The following EFCAB6 variants were observed in gnomAD, a reference collection of about 807,000 sequenced individuals.
EFCAB6 encodes the protein EF-hand calcium-binding domain-containing protein 6.
In EFCAB6, 156 loss-of-function variants were observed where a neutral mutation model predicts 169.8. The ratio of observed to expected loss-of-function variants is 0.92; its 90% confidence interval spans 0.81 to 1.05. The LOEUF (loss-of-function observed/expected upper bound fraction) is 1.05. EFCAB6 is among the 50% of genes least tolerant of loss of function. The pLI is 0.00. For synonymous variants in EFCAB6, 698 were observed against 676.4 expected (o/e 1.03, Z -0.50); for missense variants, 1,800 against 1,829.1 (o/e 0.98, Z 0.29).
intron 3 of EFCAB6, among the ~76,000 whole-genome samples, chr22:43,778,993 GA>G (rs2061727091): frequency 6.6e-6 from 1 of 152,006 alleles, no homozygotes. Context: ...TGACCAGGTA[GA>G]AATGATCAGG....
intron 26 of EFCAB6, among the ~76,000 whole-genome samples, chr22:43,573,188 C>T (rs1481797948): frequency 6.6e-6 from 1 of 152,060 alleles, no homozygotes; most frequent in Non-Finnish European, 1.5e-5. Flanking sequence ...GCTGAAGAAA[C>T]AGCAAAAAAA....
chr22:43,730,483 G>A (rs1179461230), intron 8 of EFCAB6, among the ~76,000 whole-genome samples: 1 of 151,636 alleles, frequency 6.6e-6, no homozygotes, highest in Non-Finnish European at 1.5e-5. Flanking sequence ...TATAGAGGCA[G>A]GGTGTATTCC....
intron 21 of EFCAB6, among the ~76,000 whole-genome samples, chr22:43,611,610 A>G (rs1466051844): frequency 1.3e-5 from 2 of 152,110 alleles, no homozygotes; most frequent in Non-Finnish European, 2.9e-5. Context: ...AAGTCTGGGA[A>G]ACATGGCGAA....
At chr22:43,613,569 A>G (rs2053474772) in intron 21 of EFCAB6, among the ~76,000 whole-genome samples, 4 of 152,142 alleles carry the variant, frequency 2.6e-5, no homozygotes. Context: ...ATGAGAACAC[A>G]TGGACACAAA....
Position 43,615,869 on chromosome 22 carries a change from T to C in EFCAB6, c.2519A>G (p.Tyr840Cys). The change falls in exon 21 of 32, where the codon TAT becomes TGT. Residue 840 changes from tyrosine to cysteine, a missense_variant. Physicochemically the swap from Tyr to Cys is radical, Grantham distance 194. Transcript: ENST00000262726. The part of the protein sequence containing the change: ...SELACEQAHQ[Y>C]LVTKAKNRWS... ...TCTGTTTTTTGCTTTGGTAACAAGA[T>C]ACTGATGAGCCTGCTCACAAGCTAG... The C allele has an allele frequency of 1.2e-6, 2 of 1,613,888 alleles. No individual in the cohort carries two copies. Among genetic ancestry groups the C allele is most frequent in the Non-Finnish European group, 1.7e-6 (2 of 1,179,972 alleles).
intron 24 of EFCAB6, among the ~76,000 whole-genome samples, chr22:43,589,542 C>T (rs923769611): frequency 6.6e-6 from 1 of 152,278 alleles, no homozygotes. Flanking sequence ...AATCCCAGCA[C>T]TTTGGGAGAC....
intron 23 of EFCAB6, 68 bp from the exon 24 acceptor site, chr22:43,590,297 C>G (rs1056641297): frequency 1.3e-6 from 2 of 1,541,996 alleles, no homozygotes; most frequent in Admixed American, 1.9e-5. Context: ...AAAGCAAACA[C>G]TGCATGATTA....
chr22:43,562,065 C>G (rs1199785208), intron 26 of EFCAB6, among the ~76,000 whole-genome samples: 1 of 152,122 alleles, frequency 6.6e-6, no homozygotes, highest in African/African-American at 2.4e-5. Context: ...GTTCAACAAG[C>G]AAACAAACAA....
chr22:43,769,453 T>A lies in EFCAB6; in HGVS notation c.351+3439A>T, dbSNP rs375811002. ...TATGAATATATGAAAAACACCAATT[T>A]ATACATGTTTAAAGGGTGAATTTTA... On this transcript the variant is annotated intron_variant, in intron 4 of 31. Coordinates refer to ENST00000262726, the MANE Select transcript of EFCAB6 (RefSeq NM_022785.4). 1.1e-4 allele frequency among the ~76,000 whole-genome samples: 17 copies of A among 152,292 alleles called. No individual in the cohort carries two copies. In the South Asian group the frequency reaches 3.5e-3, roughly 32 times the overall value.
chr22:43,571,999 G>A (rs1323172589), intron 26 of EFCAB6, among the ~76,000 whole-genome samples: 1 of 152,184 alleles, frequency 6.6e-6, no homozygotes, highest in Non-Finnish European at 1.5e-5. Context: ...AATTTAGGGG[G>A]TTGATCCCAT....
chr22:43,667,867 A>G (rs1362597122), intron 16 of EFCAB6, among the ~76,000 whole-genome samples: 1 of 152,112 alleles, frequency 6.6e-6, no homozygotes, highest in Non-Finnish European at 1.5e-5. Context: ...GAGGACAGCT[A>G]TTTCCTCAGC....
chr22:43,735,828 A>T, intron 7 of EFCAB6, 29 bp downstream of exon 7: 2 of 1,609,242 alleles, frequency 1.2e-6, no homozygotes, highest in Non-Finnish European at 8.5e-7. Context: ...TCTACTGAGC[A>T]ATCTCTCACC....
chr22:43,532,321 T>C (rs2047123182), intron 30 of EFCAB6, among the ~76,000 whole-genome samples: 1 of 152,036 alleles, frequency 6.6e-6, no homozygotes, highest in Admixed American at 6.5e-5. Context: ...GTGGCCCCTT[T>C]CACTGGGGAG....
intron 10 of EFCAB6, among the ~76,000 whole-genome samples, chr22:43,692,248 C>T (rs2058437361): frequency 6.6e-6 from 1 of 152,172 alleles, no homozygotes; most frequent in African/African-American, 2.4e-5. Context: ...AACAAGATAA[C>T]TGACTACTAA....
intron 18 of EFCAB6, 55 bp from the exon 19 acceptor site, chr22:43,632,293 TC>T (rs368012052): frequency 9.7e-5 from 139 of 1,429,292 alleles, no homozygotes; most frequent in Admixed American, 3.1e-4. Flanking sequence ...CTTCATTCCT[TC>T]TTTTTTTTTT....
intron 10 of EFCAB6, among the ~76,000 whole-genome samples, chr22:43,691,546 T>C (rs2058413297): frequency 6.6e-6 from 1 of 152,124 alleles, no homozygotes; most frequent in Non-Finnish European, 1.5e-5. Context: ...TGAATAAGAA[T>C]GAATTTTTAA....
At position 43,765,393 on chromosome 22, in the gene EFCAB6, T is replaced by A. The variant is rs1210069717; in HGVS notation, c.352A>T (p.Ile118Phe). The change falls in exon 5 of 32, where the codon ATC (isoleucine) becomes TTC (phenylalanine). Residue 118 changes from isoleucine (I) to phenylalanine (F), a missense_variant and splice_region_variant. Coordinates refer to ENST00000262726, the MANE Select transcript of EFCAB6 (RefSeq NM_022785.4). The stretch of plus-strand genomic sequence containing the variant: ...ACAGTACCAGAGGTGCTAAGGGGGA[T>A]CTACAGTCAAGGGAGAAGAATGACA... ...REQFQDVLAQIPLSTSGTVPY... is the reference protein window; with the variant it reads ...REQFQDVLAQFPLSTSGTVPY... 6.2e-7 allele frequency: 1 copy of A among 1,609,624 alleles called. No individual in the cohort carries two copies. Among genetic ancestry groups the A allele is most frequent in the African/African-American group, 1.3e-5 (1 of 74,652 alleles).
At chr22:43,738,083 C>T (rs2060223856) in intron 6 of EFCAB6, among the ~76,000 whole-genome samples, 1 of 150,600 alleles carries the variant, frequency 6.6e-6, no homozygotes. Context: ...CACACACATA[C>T]ATGCAGATAC....
At chr22:43,748,914 G>A (rs142018497) in intron 6 of EFCAB6, among the ~76,000 whole-genome samples, 227 of 152,238 alleles carry the variant, frequency 1.5e-3, no homozygotes, top group African/African-American at 5.2e-3. Context: ...GAAGTCTGAC[G>A]GGCTCTGGCT....
Sources: allele counts gnomAD v4.1 joint callset (sites outside exome capture counted in the v4.1 genomes callset), GRCh38; gene constraint gnomAD v4.1.1; transcripts MANE v1.5; gene names NCBI Gene and HGNC (gene_info 2026-07-23, HGNC 2026-07-21).